MTMR7: variants seen among roughly 807,000 people sequenced by gnomAD.
The protein encoded by MTMR7 is phosphatidylinositol-3-phosphate phosphatase MTMR7.
Under a neutral mutation model 81.2 loss-of-function variants are expected in MTMR7, and 76 were observed. That is an observed-to-expected ratio of 0.94 (90% CI 0.78 to 1.13). MTMR7 has a LOEUF of 1.13. Ranked by LOEUF, MTMR7 falls within the 50% of genes most tolerant of loss-of-function variation. MTMR7 has a pLI of 0.00. For missense variants in MTMR7, 1,044 were observed against 820.0 expected (o/e 1.27, Z -3.34); for synonymous variants, 372 against 289.8 (o/e 1.28, Z -2.88).
At chr8:17,342,621 C>T (rs1819437653) in intron 5 of MTMR7, among the ~76,000 whole-genome samples, 1 of 152,152 alleles carries the variant, frequency 6.6e-6, no homozygotes, top group Non-Finnish European at 1.5e-5. Flanking sequence ...GGGGACATTT[C>T]TCACTAGCTC....
chr8:17,347,325 A>G (rs1819585967), intron 5 of MTMR7, among the ~76,000 whole-genome samples: 1 of 152,236 alleles, frequency 6.6e-6, no homozygotes, highest in South Asian at 2.1e-4. Flanking sequence ...GAAGAAGAGC[A>G]ATGAGTATAA....
At chr8:17,322,410 T>A (rs1023244491) in intron 7 of MTMR7, among the ~76,000 whole-genome samples, 2 of 152,244 alleles carry the variant, frequency 1.3e-5, no homozygotes, top group African/African-American at 4.8e-5. Flanking sequence ...AATGTGAATT[T>A]TTGTGTCTAA....
At position 17,297,987 on chromosome 8, in the gene MTMR7, T is replaced by C. The variant is rs1816836807; in HGVS notation, c.*1875A>G. ...TTTAAAACATCAAATATTTATACTA[T>C]TTGCTTTTCAAATAAAAGCATAGTG... On this transcript the variant is annotated 3_prime_UTR_variant, in exon 14 of 14. Transcript: ENST00000180173. The C allele has an allele frequency of 6.6e-6, 1 of 152,116 alleles. No individual in the cohort carries two copies. Among genetic ancestry groups the C allele is most frequent in the Non-Finnish European group, 1.5e-5 (1 of 67,928 alleles). The allele number at this position is 152,116 out of a possible 1,614,324, so 9.4% of individuals were successfully genotyped here.
At position 17,373,264 on chromosome 8, in the gene MTMR7, A is replaced by C. The variant is rs755220726; in HGVS notation, c.25-24T>G. On this transcript the variant is annotated intron_variant, in intron 1 of 13. Coordinates refer to ENST00000180173, the MANE Select transcript of MTMR7 (RefSeq NM_004686.5). Reference sequence around the variant, plus strand: ...ACCTAGAGAAATCGGCATGATGAAAAGAGTTACCGTAAAGCAGAAGAGCAA... The same window carrying C: ...ACCTAGAGAAATCGGCATGATGAAACGAGTTACCGTAAAGCAGAAGAGCAA... 4.4e-6 allele frequency: 7 copies of C among 1,603,498 alleles called. No homozygotes were observed. In the South Asian group the frequency reaches 6.7e-5, roughly 15 times the overall value.
At chr8:17,344,307 T>C (rs1406037346) in intron 5 of MTMR7, among the ~76,000 whole-genome samples, 2 of 152,096 alleles carry the variant, frequency 1.3e-5, no homozygotes, top group Non-Finnish European at 2.9e-5. Flanking sequence ...GGCAGCACAA[T>C]ACCTTATTAA....
intron 7 of MTMR7, among the ~76,000 whole-genome samples, chr8:17,329,786 T>C (rs73210286): frequency 0.12 from 18,161 of 152,204 alleles, 1,406 homozygotes; most frequent in East Asian, 0.32. Context: ...AAACTCTGCA[T>C]GATAATCTCC....
intron 6 of MTMR7, chr8:17,339,118 G>C (rs999572889): frequency 2.0e-5 from 3 of 152,196 alleles, no homozygotes; most frequent in African/African-American, 4.8e-5. Context: ...CAGTTCTCGT[G>C]ATTTCTGGGA....
At position 17,410,854 on chromosome 8, in the gene MTMR7, T is replaced by C. The variant is rs540961410; in HGVS notation, c.24+2415A>G. On this transcript the variant is annotated intron_variant, in intron 1 of 13. Transcript: ENST00000180173. ...AACTGTACATTATACATGCATACAA[T>C]TCTTTTCCTCTTAAAACTCTACTAC... Among the ~76,000 whole-genome samples, 4 of 152,290 alleles carry C rather than the reference T, an allele frequency of 2.6e-5. No individual in the cohort carries two copies. The East Asian group carries it at 7.7e-4, about 29-fold the overall frequency.
intron 7 of MTMR7, among the ~76,000 whole-genome samples, chr8:17,329,656 T>G (rs1458587049): frequency 1.3e-5 from 2 of 152,148 alleles, no homozygotes; most frequent in Admixed American, 6.5e-5. Flanking sequence ...TTAAATAACT[T>G]AAGGGTCCTG....
At chr8:17,365,744 G>A (rs1010541264) in intron 3 of MTMR7, among the ~76,000 whole-genome samples, 2 of 152,084 alleles carry the variant, frequency 1.3e-5, no homozygotes, top group African/African-American at 4.8e-5. Flanking sequence ...TGGAAATCTT[G>A]GTATTTACAG....
chr8:17,366,117 C>T (rs1475068246), intron 3 of MTMR7, among the ~76,000 whole-genome samples: 1 of 152,188 alleles, frequency 6.6e-6, no homozygotes, highest in African/African-American at 2.4e-5. Flanking sequence ...ACATCAGGTA[C>T]AAACTCTCAA....
intron 1 of MTMR7, among the ~76,000 whole-genome samples, chr8:17,383,128 C>G (rs1170945208): frequency 1.3e-5 from 2 of 152,038 alleles, no homozygotes; most frequent in African/African-American, 4.8e-5. Context: ...TCTTAGATAC[C>G]AAGGTTGGGA....
At chr8:17,357,059 A>C (rs1022601128) in intron 4 of MTMR7, among the ~76,000 whole-genome samples, 1 of 152,146 alleles carries the variant, frequency 6.6e-6, no homozygotes, top group Non-Finnish European at 1.5e-5. Flanking sequence ...AAACACAACC[A>C]ACAAAAGAAA....
Position 17,373,245 on chromosome 8 carries a change from A to G in MTMR7, c.25-5T>C, listed in dbSNP as rs996683143. 1 of 1,609,208 alleles carries G rather than the reference A, an allele frequency of 6.2e-7. No individual in the cohort carries two copies. Among genetic ancestry groups the G allele is most frequent in the Admixed American group, 1.7e-5 (1 of 59,468 alleles). ...TACCAAGCGGACATTTTCAACCTAGAGAAATCGGCATGATGAAAAGAGTTA... is the reference window on the plus strand; with the variant it reads ...TACCAAGCGGACATTTTCAACCTAGGGAAATCGGCATGATGAAAAGAGTTA... On this transcript the variant is annotated splice_polypyrimidine_tract_variant and splice_region_variant and intron_variant, in intron 1 of 13. Transcript: ENST00000180173.
chr8:17,371,245 T>C (rs2150565112), intron 2 of MTMR7, 46 bp from the exon 3 acceptor site: 1 of 1,584,142 alleles, frequency 6.3e-7, no homozygotes, highest in African/African-American at 1.3e-5. Context: ...AAATAACTAA[T>C]GAATACGACA....
At chr8:17,411,615 TCAGA>T in intron 1 of MTMR7, among the ~76,000 whole-genome samples, 1 of 152,344 alleles carries the variant, frequency 6.6e-6, no homozygotes, top group Non-Finnish European at 1.5e-5. Flanking sequence ...CAGTAACACT[TCAGA>T]CAATTTTCCA....
rs562046368 is a variant in MTMR7 at position 17,366,615 on chromosome 8, G to A, written c.310+4422C>T. Reference sequence around the variant, plus strand: ...AATAACTGTAGTTGAGGCCGGGCGCGGTGGCTCACGCCTGTAATCCCAGCA... The same window carrying A: ...AATAACTGTAGTTGAGGCCGGGCGCAGTGGCTCACGCCTGTAATCCCAGCA... On this transcript the variant is annotated intron_variant, in intron 3 of 13. Transcript: ENST00000180173. 2.5e-4 allele frequency among the ~76,000 whole-genome samples: 38 copies of A among 152,152 alleles called. No individual in the cohort carries two copies. The East Asian group carries it at 6.8e-3, about 27-fold the overall frequency.
chr8:17,327,366 G>C (rs1818737937), intron 7 of MTMR7, among the ~76,000 whole-genome samples: 2 of 152,114 alleles, frequency 1.3e-5, no homozygotes, highest in African/African-American at 4.8e-5. Flanking sequence ...AACCTCCCAG[G>C]CCCAAGTGAT....
At chr8:17,300,267 C>CT in intron 13 of MTMR7, 43 bp from the exon 14 acceptor site, 1 of 1,560,770 alleles carries the variant, frequency 6.4e-7, no homozygotes, top group Non-Finnish European at 8.7e-7. Context: ...TCATAAATAA[C>CT]TTATCTTTTT....
Sources: allele counts gnomAD v4.1 joint callset (sites outside exome capture counted in the v4.1 genomes callset), GRCh38; gene constraint gnomAD v4.1.1; transcripts MANE v1.5; gene names NCBI Gene and HGNC (gene_info 2026-07-23, HGNC 2026-07-21).